The following PCSK2 variants were observed in gnomAD, a reference collection of about 807,000 sequenced individuals.
PCSK2 encodes the protein neuroendocrine convertase 2.
A neutral mutation model predicts 69.7 loss-of-function variants in PCSK2; 14 were observed. The observed-to-expected ratio is 0.20, with a 90% CI of 0.13 to 0.31. The LOEUF (loss-of-function observed/expected upper bound fraction) is 0.31. PCSK2 is among the 10% of genes least tolerant of loss of function. PCSK2 has a pLI of 1.00. For missense variants in PCSK2, 544 were observed against 842.5 expected (o/e 0.65, Z 4.39); for synonymous variants, 307 against 320.7 (o/e 0.96, Z 0.46).
intron 5 of PCSK2, among the ~76,000 whole-genome samples, chr20:17,383,677 C>T (rs1009526019): frequency 6.6e-6 from 1 of 151,602 alleles, no homozygotes; most frequent in African/African-American, 2.4e-5. Flanking sequence ...AGGAAAAAAA[C>T]CAACATGAGC....
intron 6 of PCSK2, among the ~76,000 whole-genome samples, chr20:17,411,015 C>T (rs573054490): frequency 3.3e-5 from 5 of 152,190 alleles, no homozygotes; most frequent in African/African-American, 9.6e-5. Context: ...AAAGATTATC[C>T]CCCAATCTCA....
intron 8 of PCSK2, among the ~76,000 whole-genome samples, chr20:17,437,569 T>A (rs1240817548): frequency 3.3e-5 from 5 of 152,090 alleles, no homozygotes; most frequent in Non-Finnish European, 7.4e-5. Flanking sequence ...TATCAGGAAG[T>A]GACTTAGCCT....
At chr20:17,377,098 G>A (rs1406233665) in intron 5 of PCSK2, among the ~76,000 whole-genome samples, 3 of 152,176 alleles carry the variant, frequency 2.0e-5, no homozygotes, top group African/African-American at 4.8e-5. Flanking sequence ...AATACGATTC[G>A]AGAGGTGAAT....
intron 2 of PCSK2, among the ~76,000 whole-genome samples, chr20:17,303,108 T>C (rs1276985711): frequency 1.3e-5 from 2 of 149,574 alleles, no homozygotes; most frequent in Non-Finnish European, 3.0e-5. Context: ...TCAAGTTGCT[T>C]TTTCCTATAT....
chr20:17,238,244 G>T (rs985811262), intron 1 of PCSK2, among the ~76,000 whole-genome samples: 46 of 151,300 alleles, frequency 3.0e-4, no homozygotes, highest in African/African-American at 1.1e-3. Context: ...CACTTGATGT[G>T]GTTTTAAAGG....
At chr20:17,363,570 C>T (rs193131261) in intron 4 of PCSK2, among the ~76,000 whole-genome samples, 17 of 152,090 alleles carry the variant, frequency 1.1e-4, no homozygotes, top group African/African-American at 4.1e-4. Context: ...CAGGGATGGA[C>T]AAGAGTCATC....
At chr20:17,238,719 T>C (rs528324657) in intron 1 of PCSK2, among the ~76,000 whole-genome samples, 1 of 152,186 alleles carries the variant, frequency 6.6e-6, no homozygotes, top group East Asian at 1.9e-4. Flanking sequence ...CCTGATGTGC[T>C]TTTTTGGTTT....
At chr20:17,436,953 A>T in intron 8 of PCSK2, 70 bp downstream of exon 8, 1 of 1,307,282 alleles carries the variant, frequency 7.6e-7, no homozygotes, top group East Asian at 2.5e-5. Flanking sequence ...GGGTAGATGC[A>T]ACTGGGTGAA....
chr20:17,352,117 A>C (rs558012142), intron 2 of PCSK2, among the ~76,000 whole-genome samples: 89 of 152,338 alleles, frequency 5.8e-4, no homozygotes, highest in African/African-American at 2.1e-3. Context: ...TAAGAAGAAT[A>C]AAATACCTAA....
intron 2 of PCSK2, among the ~76,000 whole-genome samples, chr20:17,282,881 G>T (rs559937087): frequency 1.5e-4 from 23 of 152,266 alleles, no homozygotes; most frequent in Middle Eastern, 3.4e-3. Context: ...TAAGCTGGCA[G>T]GATTTGAAGA....
At chr20:17,384,425 CAAAAA>C (rs11478291) in intron 5 of PCSK2, among the ~76,000 whole-genome samples, 21 of 106,534 alleles carry the variant, frequency 2.0e-4, no homozygotes, top group South Asian at 1.3e-3. Context: ...CCATATCTAC[CAAAAA>C]AAAAAAAAAA....
At chr20:17,416,580 T>TTAGGAG (rs1200110705) in intron 6 of PCSK2, among the ~76,000 whole-genome samples, 3 of 152,278 alleles carry the variant, frequency 2.0e-5, no homozygotes, top group Admixed American at 1.3e-4. Context: ...GGTGGGAGTG[T>TTAGGAG]AAATTGGTTC....
rs140328900 is a variant in PCSK2 at position 17,250,284 on chromosome 20, C to T, written c.178-9956C>T. Among the ~76,000 whole-genome samples, 1,393 of 152,244 alleles carry T rather than the reference C, an allele frequency of 9.1e-3. 13 individuals carry two copies. Among genetic ancestry groups the T allele is most frequent in the East Asian group, 0.025 (127 of 5,170 alleles). ...TCTAATTTGGAAAAGTTCTGCAGCT[C>T]TTTTTTGTCGTTTATGAACATGATG... On this transcript the variant is annotated intron_variant, in intron 1 of 11. Transcript: ENST00000262545.
At chr20:17,348,580 T>C (rs948693719) in intron 2 of PCSK2, among the ~76,000 whole-genome samples, 2 of 152,064 alleles carry the variant, frequency 1.3e-5, no homozygotes, top group African/African-American at 4.8e-5. Flanking sequence ...AAGGCTCTCA[T>C]ATGGGGGGCC....
At chr20:17,465,074 G>A in intron 10 of PCSK2, 1 of 514,152 alleles carries the variant, frequency 1.9e-6, no homozygotes, top group Non-Finnish European at 3.5e-6. Context: ...CCATTCCGGT[G>A]TGTGTGTTAG....
At chr20:17,246,277 G>A (rs1020715851) in intron 1 of PCSK2, among the ~76,000 whole-genome samples, 5 of 152,000 alleles carry the variant, frequency 3.3e-5, no homozygotes, top group South Asian at 2.1e-4. Flanking sequence ...TACTGTATTC[G>A]AAACCAGCCT....
At chr20:17,444,006 T>A (rs1204689593) in intron 8 of PCSK2, among the ~76,000 whole-genome samples, 1 of 152,218 alleles carries the variant, frequency 6.6e-6, no homozygotes, top group African/African-American at 2.4e-5. Context: ...AATCTTTCCT[T>A]GTTTCAAGGT....
intron 5 of PCSK2, among the ~76,000 whole-genome samples, chr20:17,397,472 C>T (rs1004932715): frequency 7.9e-6 from 1 of 126,424 alleles, no homozygotes; most frequent in Non-Finnish European, 1.7e-5. Flanking sequence ...ACCAGAAGCA[C>T]AAAAATTCAA....
At chr20:17,260,213 T>A in intron 1 of PCSK2, 27 bp from the exon 2 acceptor site, 1 of 1,451,354 alleles carries the variant, frequency 6.9e-7, no homozygotes, top group Non-Finnish European at 9.7e-7. Flanking sequence ...AAGCTAACTA[T>A]GCCTATGTCT....
Sources: allele counts gnomAD v4.1 joint callset (sites outside exome capture counted in the v4.1 genomes callset), GRCh38; gene constraint gnomAD v4.1.1; transcripts MANE v1.5; gene names NCBI Gene and HGNC (gene_info 2026-07-23, HGNC 2026-07-21).